The following AGPAT4 variants were observed in gnomAD, a reference collection of about 807,000 sequenced individuals.
AGPAT4 encodes the protein 1-acyl-sn-glycerol-3-phosphate acyltransferase delta.
A neutral mutation model predicts 48.0 loss-of-function variants in AGPAT4; 15 were observed. That is an observed-to-expected ratio of 0.31 (90% CI 0.21 to 0.48). The LOEUF (loss-of-function observed/expected upper bound fraction) is 0.48, where lower values mean the gene tolerates loss of function less well. AGPAT4 is among the 20% of genes least tolerant of loss of function. The probability of loss-of-function intolerance (pLI) is 0.99; values close to 1 mark genes in which losing one functional copy is unlikely to be tolerated. For synonymous variants in AGPAT4, 178 were observed against 198.7 expected (o/e 0.90, Z 0.88); for missense variants, 314 against 482.5 (o/e 0.65, Z 3.27).
rs1004472281 is a variant in AGPAT4 at position 161,243,883 on chromosome 6, T to C, written c.-89-11581A>G. Among the ~76,000 whole-genome samples, 10 of 152,186 alleles carry C rather than the reference T, an allele frequency of 6.6e-5. No homozygotes were observed. Among genetic ancestry groups the C allele is most frequent in the African/African-American group, 2.2e-4 (9 of 41,440 alleles). On this transcript the variant is annotated intron_variant, in intron 1 of 8. Coordinates refer to ENST00000320285, the MANE Select transcript of AGPAT4 (RefSeq NM_020133.3). This position sits in a 1 kb window ranked among gnomAD's most constrained non-coding sequence, Gnocchi z 4.8. ...GGTGACCCTGAGCTGAAGTGACTCCTAAGATCCTCAAAGCCCACTCACAAG... is the reference window on the plus strand; with the variant it reads ...GGTGACCCTGAGCTGAAGTGACTCCCAAGATCCTCAAAGCCCACTCACAAG...
chr6:161,217,520 G>A lies in AGPAT4; in HGVS notation c.178+14516C>T, dbSNP rs1393213579. Among the ~76,000 whole-genome samples, 1 of 152,174 alleles carries A rather than the reference G, an allele frequency of 6.6e-6. No individual in the cohort carries two copies. The highest frequency in any genetic ancestry group is 6.5e-5 in the Admixed American group (1 of 15,292). On this transcript the variant is annotated intron_variant, in intron 2 of 8. Coordinates refer to ENST00000320285, the MANE Select transcript of AGPAT4 (RefSeq NM_020133.3). The surrounding 1 kb of genome is among the most constrained non-coding windows in gnomAD (Gnocchi z 4.9). ...CCTGGGGGAGTCCATCAGGTGCATG[G>A]TAATCCAGTATGAAGGCATTGGCGT...
At chr6:161,252,431 A>G (rs1480753630) in intron 1 of AGPAT4, among the ~76,000 whole-genome samples, 3 of 152,242 alleles carry the variant, frequency 2.0e-5, no homozygotes, top group Non-Finnish European at 4.4e-5. Flanking sequence ...TTATAAATGA[A>G]TTAGAAAAAA....
chr6:161,273,499 A>G (rs565807319), intron 1 of AGPAT4, among the ~76,000 whole-genome samples: 301 of 152,344 alleles, frequency 2.0e-3, no homozygotes, highest in Non-Finnish European at 2.7e-3. Flanking sequence ...GTTGCCATAG[A>G]AACGTCAGCG....
chr6:161,160,738 C>A, intron 3 of AGPAT4: 3 of 344,520 alleles, frequency 8.7e-6, no homozygotes, highest in South Asian at 6.9e-5. Context: ...CTGCACAAAG[C>A]CCTTGTCCAC....
rs1194980682 is a variant in AGPAT4 at position 161,198,837 on chromosome 6, T to C, written c.179-32420A>G. Reference sequence around the variant, plus strand: ...TATGTTGTTTCGAGTAAAGACAAAATTACATAGCTTATTAAGGGGTAAATA... The same window carrying C: ...TATGTTGTTTCGAGTAAAGACAAAACTACATAGCTTATTAAGGGGTAAATA... On this transcript the variant is annotated intron_variant, in intron 2 of 8. Transcript: ENST00000320285. The surrounding 1 kb of genome is among the most constrained non-coding windows in gnomAD (Gnocchi z 4.3). Among the ~76,000 whole-genome samples, 2 of 152,180 alleles carry C rather than the reference T, an allele frequency of 1.3e-5. No homozygotes were observed. The highest frequency in any genetic ancestry group is 2.9e-5 in the Non-Finnish European group (2 of 68,040).
At chr6:161,136,746 A>AGCTGGCTGGCGG in intron 8 of AGPAT4, 112 bp from the exon 9 acceptor site, 1 of 856,864 alleles carries the variant, frequency 1.2e-6, no homozygotes, top group Non-Finnish European at 1.9e-6. Context: ...GCCAGCTCAG[A>AGCTGGCTGGCGG]GCTGGCTGGC....
rs1209729612 is a variant in AGPAT4, at chr6:161,130,195, A to G, written c.*6345T>C. On this transcript the variant is annotated 3_prime_UTR_variant, in exon 9 of 9. Coordinates refer to ENST00000320285, the MANE Select transcript of AGPAT4 (RefSeq NM_020133.3). ...AAGTTACCATTCATTCGGTCCAAACATCCACCCAATCCACACGTTCTCTCA... is the reference window on the plus strand; with the variant it reads ...AAGTTACCATTCATTCGGTCCAAACGTCCACCCAATCCACACGTTCTCTCA... The G allele has an allele frequency of 2.0e-5, 3 of 152,162 alleles. No individual in the cohort carries two copies. The highest frequency in any genetic ancestry group is 2.9e-5 in the Non-Finnish European group (2 of 68,062). The allele number at this position is 152,162 out of a possible 1,614,324, so 9.4% of individuals were successfully genotyped here. A position where few individuals can be genotyped will look rare whatever the true frequency, so the allele number is the denominator to read the frequency against.
At position 161,166,481 on chromosome 6, in the gene AGPAT4, G is replaced by A; in HGVS notation, c.179-64C>T. The A allele has an allele frequency of 6.7e-7, 1 of 1,495,368 alleles. No individual in the cohort carries two copies. Among genetic ancestry groups the A allele is most frequent in the Non-Finnish European group, 9.0e-7 (1 of 1,115,988 alleles). The allele number at this position is 1,495,368 out of a possible 1,614,324, so 92.6% of individuals were successfully genotyped here. On this transcript the variant is annotated intron_variant, in intron 2 of 8. Transcript: ENST00000320285. This position sits in a 1 kb window ranked among gnomAD's most constrained non-coding sequence, Gnocchi z 6.7. Reference sequence around the variant, plus strand: ...AGCCTTGTCCTGGGAGCCCTGCTGAGAGCAGGGCTCTGCCCTCCCAGCTAG... The same window carrying A: ...AGCCTTGTCCTGGGAGCCCTGCTGAAAGCAGGGCTCTGCCCTCCCAGCTAG...
rs1345528397 is a variant in AGPAT4, at chr6:161,254,408, G to A, written c.-90+19530C>T. Among the ~76,000 whole-genome samples the A allele has an allele frequency of 6.6e-6, 1 of 152,116 alleles. No homozygotes were observed. The highest frequency in any genetic ancestry group is 1.5e-5 in the Non-Finnish European group (1 of 68,018). On this transcript the variant is annotated intron_variant, in intron 1 of 8. Coordinates refer to ENST00000320285, the MANE Select transcript of AGPAT4 (RefSeq NM_020133.3). The surrounding 1 kb of genome is among the most constrained non-coding windows in gnomAD (Gnocchi z 5.9). ...AGCCTAACTGATAACACTATTGAGG[G>A]CATAAAGTAAGATGAACAATTAGAA...
rs1782532720 is a variant in AGPAT4, at chr6:161,242,872, A to C, written c.-89-10570T>G. On this transcript the variant is annotated intron_variant, in intron 1 of 8. Coordinates refer to ENST00000320285, the MANE Select transcript of AGPAT4 (RefSeq NM_020133.3). This position sits in a 1 kb window ranked among gnomAD's most constrained non-coding sequence, Gnocchi z 5.0. The stretch of plus-strand genomic sequence containing the variant: ...CACCTGAGGTCAGGAGATCGAGGCC[A>C]GCCTGGCCAACATAGTGAAACCCCG... Among the ~76,000 whole-genome samples the C allele has an allele frequency of 6.6e-6, 1 of 152,122 alleles. No individual in the cohort carries two copies. The highest frequency in any genetic ancestry group is 2.1e-4 in the South Asian group (1 of 4,826).
chr6:161,224,251 A>G (rs997400935), intron 2 of AGPAT4, among the ~76,000 whole-genome samples: 1 of 152,186 alleles, frequency 6.6e-6, no homozygotes, highest in Non-Finnish European at 1.5e-5. Flanking sequence ...TTTGTGCCCA[A>G]ACATGGGATG....
rs1781048719 is a variant in AGPAT4 at position 161,195,673 on chromosome 6, T to A, written c.179-29256A>T. Among the ~76,000 whole-genome samples, 1 of 152,210 alleles carries A rather than the reference T, an allele frequency of 6.6e-6. No individual in the cohort carries two copies. The highest frequency in any genetic ancestry group is 2.4e-5 in the African/African-American group (1 of 41,438). On this transcript the variant is annotated intron_variant, in intron 2 of 8. Transcript: ENST00000320285. This position sits in a 1 kb window ranked among gnomAD's most constrained non-coding sequence, Gnocchi z 5.0. ...AGGCTGTGTCATGCCTCAGTCACCT[T>A]TGACTACTCCGAAGAGGAAAGAACT...
Position 161,165,699 on chromosome 6 carries a change from G to A in AGPAT4, c.348+549C>T, listed in dbSNP as rs566965286. On this transcript the variant is annotated intron_variant, in intron 3 of 8. Coordinates refer to ENST00000320285, the MANE Select transcript of AGPAT4 (RefSeq NM_020133.3). The surrounding 1 kb of genome is among the most constrained non-coding windows in gnomAD (Gnocchi z 5.5). Reference sequence around the variant, plus strand: ...CCAGTTCCAAAGGCATGCAAGCTACGTGCAAGAGGTCAAACTAGTTGGGAA... The same window carrying A: ...CCAGTTCCAAAGGCATGCAAGCTACATGCAAGAGGTCAAACTAGTTGGGAA... 489 of 1,117,084 alleles carry A rather than the reference G, an allele frequency of 4.4e-4. 2 individuals are homozygous for A. The African/African-American group carries it at 7.0e-3, about 16-fold the overall frequency. The allele number at this position is 1,117,084 out of a possible 1,614,324, so 69.2% of individuals were successfully genotyped here.
chr6:161,257,708 A>G (rs1388410143), intron 1 of AGPAT4, among the ~76,000 whole-genome samples: 2 of 152,202 alleles, frequency 1.3e-5, no homozygotes, highest in East Asian at 1.9e-4. Context: ...CTTCATGGAA[A>G]TTAAAAAGGA....
At chr6:161,181,443 C>T (rs1780585686) in intron 2 of AGPAT4, among the ~76,000 whole-genome samples, 1 of 151,304 alleles carries the variant, frequency 6.6e-6, no homozygotes, top group African/African-American at 2.4e-5. Flanking sequence ...GCTCAGTTCA[C>T]ACCCATACTT....
Position 161,146,599 on chromosome 6 carries a change from C to T in AGPAT4, c.768G>A (p.Arg256=). 9.3e-6 allele frequency: 15 copies of T among 1,614,074 alleles called. No homozygotes were observed. Among genetic ancestry groups the T allele is most frequent in the Non-Finnish European group, 1.3e-5 (15 of 1,180,008 alleles). ...CAGGGATGTCTTCCAGTGGGATCCT[C>T]CTGCAAAGGCAGAGAGCAGCTAGCA... ...GKKYHADLYV[R]RIPLEDIPED... Residue 256 remains arginine (R), a splice_region_variant and synonymous_variant, in exon 7 of 9, where the codon AGG becomes AGA. Transcript: ENST00000320285. This position sits in a 1 kb window ranked among gnomAD's most constrained non-coding sequence, Gnocchi z 7.1.
At chr6:161,207,848 A>G (rs1781419409) in intron 2 of AGPAT4, among the ~76,000 whole-genome samples, 1 of 151,888 alleles carries the variant, frequency 6.6e-6, no homozygotes, top group Non-Finnish European at 1.5e-5. Flanking sequence ...CAGGGGAGAG[A>G]GGGATTCTGA....
chr6:161,187,359 AAGGC>A (rs1780798637), intron 2 of AGPAT4, among the ~76,000 whole-genome samples: 1 of 152,174 alleles, frequency 6.6e-6, no homozygotes, highest in South Asian at 2.1e-4. Flanking sequence ...CACAGCATGC[AAGGC>A]AGGGTTTGCC....
At position 161,253,687 on chromosome 6, in the gene AGPAT4, T is replaced by C. The variant is rs557857008; in HGVS notation, c.-90+20251A>G. 2.0e-5 allele frequency among the ~76,000 whole-genome samples: 3 copies of C among 152,354 alleles called. No homozygotes were observed. The South Asian group carries it at 6.2e-4, about 32-fold the overall frequency. On this transcript the variant is annotated intron_variant, in intron 1 of 8. Transcript: ENST00000320285. The stretch of plus-strand genomic sequence containing the variant: ...AGATTGAAATTCATGTTTCCTTCTA[T>C]GTTTTTATTCTTTTACTGTATTATT...
Sources: allele counts gnomAD v4.1 joint callset (sites outside exome capture counted in the v4.1 genomes callset), GRCh38; gene constraint gnomAD v4.1.1; non-coding constraint Gnocchi (gnomAD v3.1); transcripts MANE v1.5; gene names NCBI Gene and HGNC (gene_info 2026-07-23, HGNC 2026-07-21).